Variants in NR3C1 observed in about 807,000 individuals in gnomAD.
NR3C1 encodes glucocorticoid receptor.
NR3C1 carries 14 observed loss-of-function variants against 74.0 expected under a neutral mutation model. That is an observed-to-expected ratio of 0.19 (90% confidence interval 0.12 to 0.30). The LOEUF (loss-of-function observed/expected upper bound fraction) is 0.30, where lower values mean the gene tolerates loss of function less well. NR3C1 is among the 10% of genes least tolerant of loss of function. The probability of loss-of-function intolerance (pLI) is 1.00; values close to 1 mark genes in which losing one functional copy is unlikely to be tolerated. For missense variants in NR3C1, 695 were observed against 909.8 expected, an observed-to-expected ratio of 0.76 and a Z score of 3.04; for synonymous variants, 308 against 332.5, an observed-to-expected ratio of 0.93 and a Z score of 0.80.
At chr5:143,361,175 T>C (rs1294049857) in intron 2 of NR3C1, among the ~76,000 whole-genome samples, 2 of 152,326 alleles carry the variant, frequency 1.3e-5, no homozygotes, top group African/African-American at 4.8e-5. Flanking sequence ...TTATTCAGTA[T>C]AAGTAGGAAG....
intron 2 of NR3C1, among the ~76,000 whole-genome samples, chr5:143,361,849 C>T (rs542003552): frequency 6.6e-6 from 1 of 152,226 alleles, no homozygotes; most frequent in South Asian, 2.1e-4. Context: ...GTATGCTAGA[C>T]AATGTACAGG....
At chr5:143,397,396 T>C (rs1009964457) in intron 2 of NR3C1, among the ~76,000 whole-genome samples, 1 of 152,024 alleles carries the variant, frequency 6.6e-6, no homozygotes, top group Admixed American at 6.5e-5. Context: ...GCTACAGTCA[T>C]GTAACATATA....
upstream of NR3C1, chr5:143,407,434 T>C (rs1046215816): frequency 1.3e-5 from 2 of 152,258 alleles, no homozygotes; most frequent in African/African-American, 4.8e-5. Context: ...TATGTTCTTA[T>C]AGTATTCTGC....
At chr5:143,323,737 C>G (rs2151662657) in intron 2 of NR3C1, among the ~76,000 whole-genome samples, 1 of 152,102 alleles carries the variant, frequency 6.6e-6, no homozygotes, top group Admixed American at 6.5e-5. Flanking sequence ...CCTATAAAAT[C>G]AAAAGCAAGC....
At chr5:143,431,173 T>C (rs1751799896) in intron 1 of NR3C1, among the ~76,000 whole-genome samples, 1 of 152,004 alleles carries the variant, frequency 6.6e-6, no homozygotes, top group African/African-American at 2.4e-5. Context: ...GGGTAAGAAA[T>C]GTGGCTCAGG....
At chr5:143,369,959 T>C (rs1239119287) in intron 2 of NR3C1, among the ~76,000 whole-genome samples, 1 of 151,936 alleles carries the variant, frequency 6.6e-6, no homozygotes, top group East Asian at 1.9e-4. Context: ...ACCTTGGAGT[T>C]CACCTATTTT....
intron 1 of NR3C1, among the ~76,000 whole-genome samples, chr5:143,421,926 T>C (rs13169606): frequency 0.18 from 27,631 of 152,134 alleles, 2,706 homozygotes; most frequent in Middle Eastern, 0.35. Flanking sequence ...TGGTGGAAGT[T>C]ACATGTCATT....
At chr5:143,364,481 T>C (rs776794654) in intron 2 of NR3C1, among the ~76,000 whole-genome samples, 2 of 152,174 alleles carry the variant, frequency 1.3e-5, no homozygotes, top group East Asian at 3.8e-4. Flanking sequence ...TAAGTAAACA[T>C]ACAAGACAGT....
rs531503631 is a variant in NR3C1, at chr5:143,284,995, A to G, written c.2024-2270T>C. Among the ~76,000 whole-genome samples, 14 of 149,138 alleles carry G rather than the reference A, an allele frequency of 9.4e-5. No individual in the cohort carries two copies. In the East Asian group the frequency reaches 2.8e-3, roughly 29 times the overall value. The stretch of plus-strand genomic sequence containing the variant: ...CTGGAAACGAAGGAGGTACACAAAG[A>G]AAGGCCTCCAGAAATCTGTACAATT... On this transcript the variant is annotated intron_variant, in intron 7 of 8. Transcript: ENST00000394464.
intron 6 of NR3C1, among the ~76,000 whole-genome samples, chr5:143,297,215 T>A (rs1817503675): frequency 6.6e-6 from 1 of 151,744 alleles, no homozygotes; most frequent in Non-Finnish European, 1.5e-5. Context: ...GGAAAAAAAA[T>A]TATAAATCCC....
intron 2 of NR3C1, among the ~76,000 whole-genome samples, chr5:143,316,310 G>C (rs868065622): frequency 2.6e-5 from 4 of 152,134 alleles, no homozygotes; most frequent in Admixed American, 2.6e-4. Flanking sequence ...TCTGTCACCT[G>C]ACATCTATTT....
intron 7 of NR3C1, among the ~76,000 whole-genome samples, chr5:143,285,640 T>C (rs1430119885): frequency 1.3e-5 from 2 of 152,006 alleles, no homozygotes; most frequent in Admixed American, 6.6e-5. Flanking sequence ...TGTTTAGAAT[T>C]TGACATTTAA....
At position 143,354,800 on chromosome 5, in the gene NR3C1, G is replaced by A. The variant is rs549698703; in HGVS notation, c.1185-40632C>T. The stretch of plus-strand genomic sequence containing the variant: ...TAGCCAGGCGTGGTGGCACACGCCT[G>A]TAGGCCCGGCTACTGGGGAGGCTGA... On this transcript the variant is annotated intron_variant, in intron 2 of 8. Coordinates refer to ENST00000394464, the MANE Select transcript of NR3C1 (RefSeq NM_000176.3). Among the ~76,000 whole-genome samples, 4 of 152,092 alleles carry A rather than the reference G, an allele frequency of 2.6e-5. No homozygotes were observed. In the South Asian group the frequency reaches 8.3e-4, roughly 32 times the overall value.
intron 2 of NR3C1, among the ~76,000 whole-genome samples, chr5:143,345,009 TC>T (rs1057396224): frequency 3.3e-5 from 5 of 152,174 alleles, no homozygotes; most frequent in African/African-American, 1.2e-4. Flanking sequence ...TTCGCTTTCC[TC>T]CCACATCCCG....
rs571876642 is a variant in NR3C1 at position 143,315,118 on chromosome 5, A to G, written c.1185-950T>C. Among the ~76,000 whole-genome samples, 4 of 152,364 alleles carry G rather than the reference A, an allele frequency of 2.6e-5. No homozygotes were observed. In the South Asian group the frequency reaches 8.3e-4, roughly 32 times the overall value. Reference sequence around the variant, plus strand: ...TACAATGGATATATACTTTTCACCAATATTCACCAAGTCTTAACATTTTGC... The same window carrying G: ...TACAATGGATATATACTTTTCACCAGTATTCACCAAGTCTTAACATTTTGC... On this transcript the variant is annotated intron_variant, in intron 2 of 8. Transcript: ENST00000394464.
At chr5:143,372,353 T>A (rs1834375021) in intron 2 of NR3C1, among the ~76,000 whole-genome samples, 1 of 152,170 alleles carries the variant, frequency 6.6e-6, no homozygotes, top group Non-Finnish European at 1.5e-5. Context: ...CCAAGTGTTG[T>A]AATACTAGAA....
intron 1 of NR3C1, among the ~76,000 whole-genome samples, chr5:143,419,341 T>C (rs139261819): frequency 1.3e-5 from 2 of 152,336 alleles, no homozygotes; most frequent in East Asian, 3.9e-4. Flanking sequence ...ATTTTGTTTA[T>C]AAATATTTTC....
chr5:143,432,278 A>G (rs916613917), intron 1 of NR3C1, among the ~76,000 whole-genome samples: 6 of 152,244 alleles, frequency 3.9e-5, no homozygotes, highest in Admixed American at 1.3e-4. Flanking sequence ...CGCTAGGTTA[A>G]AAGTGCTATA....
At chr5:143,298,883 G>A in intron 5 of NR3C1, 71 bp from the exon 6 acceptor site, 2 of 1,520,164 alleles carry the variant, frequency 1.3e-6, no homozygotes, top group Admixed American at 1.7e-5. Context: ...TTGCCAAGGA[G>A]CAATGAGATC....
Sources: gnomAD v4.1 joint callset for allele counts (sites outside exome capture counted in the v4.1 genomes callset) on GRCh38, gnomAD v4.1.1 for gene constraint, MANE v1.5 for transcripts, NCBI Gene and HGNC (gene_info 2026-07-23, HGNC 2026-07-21) for gene names.